Variants in HIBADH observed in about 807,000 individuals in gnomAD.
The protein encoded by HIBADH is 3-hydroxyisobutyrate dehydrogenase, also known as 3-hydroxyisobutyrate dehydrogenase, mitochondrial.
Under a neutral mutation model 36.1 loss-of-function variants are expected in HIBADH, and 25 were observed. That is an observed-to-expected ratio of 0.69 (90% confidence interval 0.50 to 0.97). The LOEUF is 0.97. Ranked by LOEUF, HIBADH falls within the 50% of genes least tolerant of loss-of-function variation. HIBADH has a pLI of 0.00. For synonymous variants in HIBADH, 160 were observed against 149.5 expected (o/e 1.07, Z -0.51); for missense variants, 421 against 418.0 (o/e 1.01, Z -0.06).
chr7:27,601,347 A>T (rs1162822849), intron 4 of HIBADH, among the ~76,000 whole-genome samples: 2 of 152,126 alleles, frequency 1.3e-5, no homozygotes, highest in African/African-American at 4.8e-5. Context: ...TACCAATATA[A>T]TTCTTTCAGT....
At chr7:27,526,461 G>T in intron 7 of HIBADH, 89 bp from the exon 8 acceptor site, 1 of 1,019,116 alleles carries the variant, frequency 9.8e-7, no homozygotes, top group Non-Finnish European at 1.3e-6. Context: ...TTGAAAGAAG[G>T]AAAAATGTAA....
intron 1 of HIBADH, among the ~76,000 whole-genome samples, chr7:27,654,491 G>A (rs1786257896): frequency 6.6e-6 from 1 of 152,054 alleles, no homozygotes; most frequent in South Asian, 2.1e-4. Flanking sequence ...TGTAGAAAGG[G>A]AAAAAGATAA....
chr7:27,604,927 C>G (rs747364330), intron 4 of HIBADH, among the ~76,000 whole-genome samples: 16 of 152,014 alleles, frequency 1.1e-4, no homozygotes, highest in Non-Finnish European at 1.5e-4. Context: ...TCAGAAGAGG[C>G]AAGAGTATAA....
rs375843757 is a variant in HIBADH, at chr7:27,538,431, G to T, written c.619-14C>A. 6 of 1,605,944 alleles carry T rather than the reference G, an allele frequency of 3.7e-6. No individual in the cohort carries two copies. The highest frequency in any genetic ancestry group is 5.1e-6 in the Non-Finnish European group (6 of 1,173,478). On this transcript the variant is annotated splice_polypyrimidine_tract_variant and intron_variant, in intron 5 of 7. Coordinates refer to ENST00000265395, the MANE Select transcript of HIBADH (RefSeq NM_152740.4). ...GATCTTTGCCGCCTGAAAATAAATT[G>T]AGTACATATTAAATATCTGTATTTT...
chr7:27,595,516 G>A (rs1407730032), intron 4 of HIBADH, among the ~76,000 whole-genome samples: 3 of 139,310 alleles, frequency 2.2e-5, no homozygotes, highest in Admixed American at 7.5e-5. Flanking sequence ...CAGCCTAGGC[G>A]AAAGAGACTC....
intron 4 of HIBADH, among the ~76,000 whole-genome samples, chr7:27,616,326 C>A (rs796538921): frequency 7.9e-5 from 12 of 152,300 alleles, no homozygotes; most frequent in African/African-American, 2.6e-4. Flanking sequence ...TCTCCTCCAA[C>A]ACTGGGGATC....
chr7:27,572,316 C>G (rs532912704), intron 4 of HIBADH, among the ~76,000 whole-genome samples: 1 of 152,114 alleles, frequency 6.6e-6, no homozygotes, highest in Non-Finnish European at 1.5e-5. Flanking sequence ...ATCCAGCCAC[C>G]GGTATTTTAT....
Position 27,610,590 on chromosome 7 carries a change from A to ATCAC in HIBADH, c.484+18780_484+18781insGTGA, listed in dbSNP as rs1464945625. 2.0e-5 allele frequency among the ~76,000 whole-genome samples: 3 copies of ATCAC among 152,356 alleles called. No homozygotes were observed. In the East Asian group the frequency reaches 5.8e-4, roughly 29 times the overall value. On this transcript the variant is annotated intron_variant, in intron 4 of 7. Coordinates refer to ENST00000265395, the MANE Select transcript of HIBADH (RefSeq NM_152740.4). Reference sequence around the variant, plus strand: ...AATATCACATACAAGACTACTGTATAATCGAAGCACTTGTGAGAGTATCAA... The same window carrying ATCAC: ...AATATCACATACAAGACTACTGTATATCACATCGAAGCACTTGTGAGAGTATCAA...
At chr7:27,558,442 C>G (rs1482779828) in intron 4 of HIBADH, among the ~76,000 whole-genome samples, 1 of 152,172 alleles carries the variant, frequency 6.6e-6, no homozygotes, top group Non-Finnish European at 1.5e-5. Context: ...ATCCTCCCAC[C>G]TCAGCCTCCC....
intron 4 of HIBADH, among the ~76,000 whole-genome samples, chr7:27,627,780 C>T (rs1057448830): frequency 1.3e-5 from 2 of 152,134 alleles, no homozygotes; most frequent in Admixed American, 6.5e-5. Context: ...AGCTTTTAAT[C>T]TACTACATAT....
At chr7:27,605,045 T>C (rs957737891) in intron 4 of HIBADH, among the ~76,000 whole-genome samples, 1 of 152,136 alleles carries the variant, frequency 6.6e-6, no homozygotes, top group Non-Finnish European at 1.5e-5. Flanking sequence ...GAATATACAC[T>C]GAGCTTTATT....
chr7:27,587,513 AAAG>A (rs1784882678), intron 4 of HIBADH, among the ~76,000 whole-genome samples: 1 of 152,216 alleles, frequency 6.6e-6, no homozygotes, highest in Non-Finnish European at 1.5e-5. Context: ...AATAAAAAGA[AAAG>A]AAGTGACAAG....
At chr7:27,637,618 A>C (rs1195978840) in intron 2 of HIBADH, among the ~76,000 whole-genome samples, 1 of 152,164 alleles carries the variant, frequency 6.6e-6, no homozygotes. Flanking sequence ...CAAGAAATAA[A>C]AGGCATTCAA....
chr7:27,655,278 T>C (rs1401137417), intron 1 of HIBADH, among the ~76,000 whole-genome samples: 2 of 152,198 alleles, frequency 1.3e-5, no homozygotes, highest in South Asian at 2.1e-4. Flanking sequence ...GATGATACCA[T>C]GGAATCACTG....
rs977355406 is a variant in HIBADH at position 27,525,585 on chromosome 7, T to C, written c.*629A>G. The C allele has an allele frequency of 6.6e-6, 1 of 152,140 alleles. No homozygotes were observed. The highest frequency in any genetic ancestry group is 2.4e-5 in the African/African-American group (1 of 41,432). The allele number at this position is 152,140 out of a possible 1,614,324, so 9.4% of individuals were successfully genotyped here. A position where few individuals can be genotyped will look rare whatever the true frequency, so the allele number is the denominator to read the frequency against. On this transcript the variant is annotated 3_prime_UTR_variant, in exon 8 of 8. Coordinates refer to ENST00000265395, the MANE Select transcript of HIBADH (RefSeq NM_152740.4). ...TAAGTCAAAAAATACGTAGTAAGAA[T>C]GAACAAGAAAGAAAAAAATATAAAA... is the stretch of plus-strand genomic sequence containing the variant.
intron 4 of HIBADH, among the ~76,000 whole-genome samples, chr7:27,613,030 TTTAC>T (rs1368545523): frequency 7.1e-4 from 94 of 132,314 alleles, no homozygotes; most frequent in South Asian, 4.3e-3. Context: ...ATATATTATA[TTTAC>T]ATAATATATA....
chr7:27,536,945 A>G (rs1421239569), intron 6 of HIBADH, among the ~76,000 whole-genome samples: 1 of 152,208 alleles, frequency 6.6e-6, no homozygotes, highest in African/African-American at 2.4e-5. Context: ...CTAAACATAC[A>G]TATGCATACC....
chr7:27,606,298 T>C (rs1418287593), intron 4 of HIBADH, among the ~76,000 whole-genome samples: 1 of 152,184 alleles, frequency 6.6e-6, no homozygotes, highest in East Asian at 1.9e-4. Context: ...ACAATGCTGG[T>C]GGGCTGCCTT....
chr7:27,582,948 G>A (rs1784814941), intron 4 of HIBADH, among the ~76,000 whole-genome samples: 1 of 152,040 alleles, frequency 6.6e-6, no homozygotes, highest in South Asian at 2.1e-4. Flanking sequence ...GGGCTTTTGT[G>A]AGGATTAAAT....
Sources: gnomAD v4.1 joint callset for allele counts (sites outside exome capture counted in the v4.1 genomes callset) on GRCh38, gnomAD v4.1.1 for gene constraint, MANE v1.5 for transcripts, NCBI Gene and HGNC (gene_info 2026-07-23, HGNC 2026-07-21) for gene names.